The following BPTF variants were observed in gnomAD, a reference collection of about 807,000 sequenced individuals.
The protein encoded by BPTF is nucleosome-remodeling factor subunit BPTF.
A neutral mutation model predicts 292.5 loss-of-function variants in BPTF; 18 were observed. That is an observed-to-expected ratio of 0.06 (90% CI 0.04 to 0.09). BPTF has a LOEUF of 0.09. BPTF is among the 10% of genes least tolerant of loss of function. The pLI, the probability that BPTF is intolerant of heterozygous loss-of-function variation, is 1.00. For missense variants in BPTF, 2,726 were observed against 3,498.7 expected, an observed-to-expected ratio of 0.78 and a Z score of 5.57; for synonymous variants, 1,225 against 1,251.9, an observed-to-expected ratio of 0.98 and a Z score of 0.45.
chr17:67,827,900 A>G (rs1367958709), intron 1 of BPTF, among the ~76,000 whole-genome samples: 5 of 150,814 alleles, frequency 3.3e-5, no homozygotes, highest in Admixed American at 6.6e-5. Context: ...AAAGGACTAC[A>G]TGTAAATCCT....
chr17:67,950,226 C>T (rs2066215809), intron 23 of BPTF, among the ~76,000 whole-genome samples: 1 of 151,578 alleles, frequency 6.6e-6, no homozygotes, highest in Non-Finnish European at 1.5e-5. Context: ...ATGCCATTGC[C>T]CTCCAACCTG....
chr17:67,925,522 T>A (rs900011532), intron 15 of BPTF, among the ~76,000 whole-genome samples: 14 of 151,998 alleles, frequency 9.2e-5, no homozygotes, highest in African/African-American at 3.4e-4. Context: ...AGCAAAATTT[T>A]AAAAATAAAA....
At chr17:67,916,406 G>A (rs1052752808) in intron 11 of BPTF, among the ~76,000 whole-genome samples, 36 of 152,074 alleles carry the variant, frequency 2.4e-4, no homozygotes, top group African/African-American at 6.3e-4. Context: ...CCTGGCCAAA[G>A]TGGTGAAACC....
At chr17:67,966,750 C>T in intron 26 of BPTF, 94 bp downstream of exon 26, 1 of 1,090,284 alleles carries the variant, frequency 9.2e-7, no homozygotes, top group Non-Finnish European at 1.3e-6. Flanking sequence ...TTTAGCAAGG[C>T]TGGTGGGGGT....
intron 27 of BPTF, among the ~76,000 whole-genome samples, chr17:67,977,376 A>G (rs2069625415): frequency 6.6e-6 from 1 of 152,098 alleles, no homozygotes. Flanking sequence ...TTAGGCAGGC[A>G]TAATGGTGCA....
In BPTF at chr17:67,982,330, G is replaced by A; in HGVS notation, c.*42G>A. ...CTAACATAAAACACAGCAAGAATCTGGTTGTCTGAACTATTTTAAATTAAG... is the reference window on the plus strand; with the variant it reads ...CTAACATAAAACACAGCAAGAATCTAGTTGTCTGAACTATTTTAAATTAAG... On this transcript the variant is annotated 3_prime_UTR_variant, in exon 28 of 28. Coordinates refer to ENST00000306378, the MANE Select transcript of BPTF (RefSeq NM_182641.4). 6.4e-7 allele frequency: 1 copy of A among 1,565,894 alleles called. No individual in the cohort carries two copies. Among genetic ancestry groups the A allele is most frequent in the Non-Finnish European group, 8.8e-7 (1 of 1,139,852 alleles).
intron 11 of BPTF, among the ~76,000 whole-genome samples, chr17:67,915,135 A>G (rs112315617): frequency 7.9e-5 from 12 of 152,314 alleles, no homozygotes; most frequent in African/African-American, 2.6e-4. Context: ...CTTTGTTATT[A>G]ATGTTAAGGC....
In BPTF at chr17:67,854,655, T is replaced by A. The variant is rs1222908627; in HGVS notation, c.1329T>A (p.Thr443=). The A allele has an allele frequency of 6.2e-7, 1 of 1,614,208 alleles. No individual in the cohort carries two copies. The highest frequency in any genetic ancestry group is 2.2e-5 in the East Asian group (1 of 44,886). The part of the protein sequence containing the change: ...VCVAHKVPGV[T]DCVAEIQKNK... Reference sequence around the variant, plus strand: ...TAGCACACAAGGTGCCTGGTGTGACTGACTGTGTTGCTGAAATCCAAAAAA... The same window carrying A: ...TAGCACACAAGGTGCCTGGTGTGACAGACTGTGTTGCTGAAATCCAAAAAA... Residue 443 remains threonine (T), a synonymous_variant, in exon 2 of 28, where the codon ACT becomes ACA. Coordinates refer to ENST00000306378, the MANE Select transcript of BPTF (RefSeq NM_182641.4). This position sits in a 1 kb window ranked among gnomAD's most constrained non-coding sequence, Gnocchi z 5.6.
In BPTF at chr17:67,886,390, TGG is replaced by T. The variant is rs1387935189; in HGVS notation, c.1865-5453_1865-5452del. On this transcript the variant is annotated intron_variant, in intron 4 of 27. Transcript: ENST00000306378. Reference sequence around the variant, plus strand: ...TTTCTTTTTTTTGTGTGTGTGTGTGTGGTTTTTTGCTTTTGTTTTTGTTTTTT... The same window carrying T: ...TTTCTTTTTTTTGTGTGTGTGTGTGTTTTTTTGCTTTTGTTTTTGTTTTTT... 3 of 1,058,594 alleles carry T rather than the reference TGG, an allele frequency of 2.8e-6. No individual in the cohort carries two copies. In the East Asian group the frequency reaches 8.9e-5, roughly 32 times the overall value. The allele number at this position is 1,058,594 out of a possible 1,614,324, so 65.6% of individuals were successfully genotyped here.
intron 1 of BPTF, among the ~76,000 whole-genome samples, chr17:67,828,815 A>G (rs2056368812): frequency 6.6e-6 from 1 of 152,214 alleles, no homozygotes; most frequent in Admixed American, 6.5e-5. Flanking sequence ...GGCATGAGCT[A>G]CCGTGCCTGG....
In BPTF at chr17:67,970,303, G is replaced by A. The variant is rs150918566; in HGVS notation, c.8539+3647G>A. On this transcript the variant is annotated intron_variant, in intron 26 of 27. Transcript: ENST00000306378. ...TGTGGTCCCAGCCCGAGAGACTGAG[G>A]CAGGACGATCACTTCAGCTGGGAGG... Among the ~76,000 whole-genome samples the A allele has an allele frequency of 8.9e-3, 1,351 of 152,064 alleles. 13 individuals carry two copies. Among genetic ancestry groups the A allele is most frequent in the Non-Finnish European group, 0.012 (817 of 68,002 alleles).
intron 1 of BPTF, among the ~76,000 whole-genome samples, chr17:67,827,728 T>C (rs59606889): frequency 0.011 from 1,725 of 152,242 alleles, 28 homozygotes; most frequent in African/African-American, 0.039. Context: ...AGTAGGGTAG[T>C]ATTAAGCCAA....
At chr17:67,966,217 G>T in intron 25 of BPTF, 1 of 199,652 alleles carries the variant, frequency 5.0e-6, no homozygotes, top group Non-Finnish European at 1.0e-5. Flanking sequence ...TCATTAACCA[G>T]CTGTGGTAAT....
intron 1 of BPTF, among the ~76,000 whole-genome samples, chr17:67,849,157 G>A (rs544861560): frequency 9.2e-5 from 14 of 152,224 alleles, no homozygotes; most frequent in African/African-American, 3.1e-4. Flanking sequence ...CAAACTTGCC[G>A]CACATCAGAA....
chr17:67,902,858 G>A (rs1410877695), intron 7 of BPTF, among the ~76,000 whole-genome samples: 1 of 152,206 alleles, frequency 6.6e-6, no homozygotes. Context: ...GCTGCATCTG[G>A]TTAGGGTGTG....
intron 15 of BPTF, among the ~76,000 whole-genome samples, chr17:67,926,246 C>T (rs1381394425): frequency 6.7e-6 from 1 of 150,330 alleles, no homozygotes; most frequent in Non-Finnish European, 1.5e-5. Flanking sequence ...TGAGCTCAAG[C>T]GATCTGCCTA....
chr17:67,871,557 T>TCAG (rs1248077494), intron 3 of BPTF, among the ~76,000 whole-genome samples: 1 of 152,112 alleles, frequency 6.6e-6, no homozygotes. Flanking sequence ...ATCCTATGCC[T>TCAG]GTATGGTAAT....
At chr17:67,904,461 G>A (rs1239310876) in intron 8 of BPTF, among the ~76,000 whole-genome samples, 1 of 152,188 alleles carries the variant, frequency 6.6e-6, no homozygotes, top group Admixed American at 6.5e-5. Flanking sequence ...TTATAAAACT[G>A]TAAAATTGTG....
intron 26 of BPTF, chr17:67,974,684 T>G (rs1400053440): frequency 6.6e-6 from 1 of 152,394 alleles, no homozygotes; most frequent in African/African-American, 2.4e-5. Context: ...TACCGGTTTC[T>G]CAAGGACACT....
Sources: gnomAD v4.1 joint callset for allele counts (sites outside exome capture counted in the v4.1 genomes callset) on GRCh38, gnomAD v4.1.1 for gene constraint, Gnocchi (gnomAD v3.1) non-coding constraint, MANE v1.5 for transcripts, NCBI Gene and HGNC (gene_info 2026-07-23, HGNC 2026-07-21) for gene names.